PPFIA1: variants seen among roughly 807,000 people sequenced by gnomAD.
PPFIA1 encodes the protein PPFI scaffold protein A1, also known as liprin-alpha-1.
Under a neutral mutation model 149.9 loss-of-function variants are expected in PPFIA1, and 25 were observed. The observed-to-expected ratio is 0.17, with a 90% CI of 0.12 to 0.23. The LOEUF (loss-of-function observed/expected upper bound fraction) is 0.23. Ranked by LOEUF, PPFIA1 falls within the 10% of genes least tolerant of loss-of-function variation. The pLI is 1.00. For missense variants in PPFIA1, 1,362 were observed against 1,506.5 expected, an observed-to-expected ratio of 0.90 and a Z score of 1.59; for synonymous variants, 549 against 552.8, an observed-to-expected ratio of 0.99 and a Z score of 0.10.
At chr11:70,356,024 A>G in intron 18 of PPFIA1, 137 bp from the exon 19 acceptor site, 1 of 1,017,306 alleles carries the variant, frequency 9.8e-7, no homozygotes, top group Non-Finnish European at 1.5e-6. Context: ...CGTCTTGGGC[A>G]TTTGGTTGTC....
At chr11:70,345,901 C>A in intron 15 of PPFIA1, 1 of 349,272 alleles carries the variant, frequency 2.9e-6, no homozygotes, top group South Asian at 2.0e-5. Context: ...GGTCCCGTCA[C>A]ACAGTGGCCT....
Position 70,355,742 on chromosome 11 carries a change from A to ATTGGCCGCTTGT in PPFIA1, c.2425_2436dup (p.Arg809_Gly812dup). 6.2e-7 allele frequency: 1 copy of ATTGGCCGCTTGT among 1,614,166 alleles called. No homozygotes were observed. The highest frequency in any genetic ancestry group is 8.5e-7 in the Non-Finnish European group (1 of 1,180,024). On this transcript the variant is annotated inframe_insertion, in exon 18 of 28. Transcript: ENST00000253925. The stretch of plus-strand genomic sequence containing the variant: ...AAAGAAGAAAGGCATTAAGTCCTCC[A>ATTGGCCGCTTGT]TTGGCCGCTTGTTTGGCAAGAAAGA...
intron 4 of PPFIA1, 133 bp from the exon 5 acceptor site, chr11:70,325,367 C>T (rs1338071427): frequency 6.0e-6 from 3 of 498,922 alleles, no homozygotes; most frequent in African/African-American, 2.0e-5. Context: ...CAATGACAGA[C>T]ATTAATGGTA....
At chr11:70,283,404 A>G (rs1437805763) in intron 2 of PPFIA1, among the ~76,000 whole-genome samples, 1 of 152,174 alleles carries the variant, frequency 6.6e-6, no homozygotes, top group African/African-American at 2.4e-5. Context: ...TCTCTCTCCC[A>G]ATCTGCCAAT....
At chr11:70,320,613 G>T (rs1384817118) in intron 2 of PPFIA1, among the ~76,000 whole-genome samples, 1 of 151,712 alleles carries the variant, frequency 6.6e-6, no homozygotes, top group Admixed American at 6.6e-5. Flanking sequence ...AATTTTTTAT[G>T]TTTTGTAGAG....
rs1046675655 is a variant in PPFIA1, at chr11:70,270,794, T to C, written c.-121T>C. On this transcript the variant is annotated 5_prime_UTR_variant, in exon 1 of 28. Coordinates refer to ENST00000253925, the MANE Select transcript of PPFIA1 (RefSeq NM_003626.5). ...GGCGGCGGGCCCCGGGGCCGCGGCG[T>C]GGGGCGGGCAGGCGGACGCCGGCCG... 2.0e-5 allele frequency: 3 copies of C among 148,970 alleles called. No individual in the cohort carries two copies. Among genetic ancestry groups the C allele is most frequent in the African/African-American group, 7.4e-5 (3 of 40,744 alleles). The allele number at this position is 148,970 out of a possible 1,614,324, so 9.2% of individuals were successfully genotyped here. A position where few individuals can be genotyped will look rare whatever the true frequency, so the allele number is the denominator to read the frequency against.
chr11:70,379,657 G>A (rs545464509), intron 26 of PPFIA1, among the ~76,000 whole-genome samples: 1 of 151,574 alleles, frequency 6.6e-6, no homozygotes, highest in East Asian at 1.9e-4. Flanking sequence ...TGGGGTTTTT[G>A]CCAATTTTTT....
chr11:70,362,356 G>A lies in PPFIA1; in HGVS notation c.2733G>A (p.Met911Ile), dbSNP rs2056702567. 1.2e-6 allele frequency: 2 copies of A among 1,614,074 alleles called. No individual in the cohort carries two copies. Among genetic ancestry groups the A allele is most frequent in the Admixed American group, 1.7e-5 (1 of 60,008 alleles). Reference protein sequence around the residue: ...CRANVKSGAIMSALSDTEIQR... With the variant: ...CRANVKSGAIISALSDTEIQR... ...CAAACGTGAAAAGCGGGGCCATCAT[G>A]TCGGCCCTGTCCGACACAGAGATCC... Residue 911 changes from methionine (M) to isoleucine (I), a missense_variant, in exon 21 of 28, where the codon ATG becomes ATA. Physicochemically the swap from Met to Ile is conservative, Grantham distance 10. Coordinates refer to ENST00000253925, the MANE Select transcript of PPFIA1 (RefSeq NM_003626.5).
At chr11:70,339,049 C>T (rs2055148935) in intron 13 of PPFIA1, 122 bp from the exon 14 acceptor site, 1 of 1,185,384 alleles carries the variant, frequency 8.4e-7, no homozygotes, top group East Asian at 2.6e-5. Context: ...AGAGCAGTGC[C>T]CTCCCTGGAG....
At chr11:70,372,415 A>G in intron 22 of PPFIA1, 25 bp downstream of exon 22, 3 of 1,613,708 alleles carry the variant, frequency 1.9e-6, no homozygotes, top group Admixed American at 3.3e-5. Flanking sequence ...ATAGTTCTTA[A>G]TAATTGGCTA....
At chr11:70,272,633 T>C (rs1239082338) in intron 2 of PPFIA1, among the ~76,000 whole-genome samples, 197 bp downstream of exon 2, 3 of 152,168 alleles carry the variant, frequency 2.0e-5, no homozygotes, top group Non-Finnish European at 2.9e-5. Context: ...TACTCTAAAG[T>C]CATGTGAAAA....
chr11:70,292,882 A>G (rs1249771811), intron 2 of PPFIA1, among the ~76,000 whole-genome samples: 3 of 152,218 alleles, frequency 2.0e-5, no homozygotes, highest in Non-Finnish European at 4.4e-5. Flanking sequence ...GCCCCCTTAT[A>G]GTATTACTGG....
intron 26 of PPFIA1, among the ~76,000 whole-genome samples, chr11:70,379,611 T>TA (rs1555130438): frequency 1.1e-3 from 116 of 103,298 alleles, no homozygotes; most frequent in Middle Eastern, 9.2e-3. Flanking sequence ...ACCCCATCTC[T>TA]AAAAAAAAAA....
At chr11:70,381,423 A>G (rs745806903) in intron 26 of PPFIA1, 1 of 152,156 alleles carries the variant, frequency 6.6e-6, no homozygotes, top group African/African-American at 2.4e-5. Flanking sequence ...TGTGGTCTCT[A>G]TGATTAATAT....
chr11:70,365,290 C>T (rs2056861576), intron 21 of PPFIA1: 1 of 429,138 alleles, frequency 2.3e-6, no homozygotes. Flanking sequence ...TTCTCTGTGC[C>T]TGTGGCTTAT....
intron 2 of PPFIA1, among the ~76,000 whole-genome samples, chr11:70,293,458 T>A (rs1225894221): frequency 6.6e-6 from 1 of 152,138 alleles, no homozygotes; most frequent in Non-Finnish European, 1.5e-5. Context: ...TTGAAACAAA[T>A]CACTGGAACA....
intron 21 of PPFIA1, chr11:70,365,339 C>T (rs1264121782): frequency 2.2e-6 from 1 of 455,132 alleles, no homozygotes; most frequent in African/African-American, 2.0e-5. Context: ...CTTCCCTTGC[C>T]CTGGATGTGG....
intron 2 of PPFIA1, among the ~76,000 whole-genome samples, chr11:70,294,911 T>G (rs1276684795): frequency 1.3e-5 from 2 of 151,774 alleles, no homozygotes; most frequent in East Asian, 3.9e-4. Flanking sequence ...CAGAAGAATT[T>G]TTCTTAGTAC....
rs1353972231 is a variant in PPFIA1, at chr11:70,355,601, A to G, written c.2316-38A>G. ...ACTGTTAATATGTGAAGTATCCTAC[A>G]AGGGCACATAGTAAAGATCCGTTTT... On this transcript the variant is annotated intron_variant, in intron 17 of 27. Coordinates refer to ENST00000253925, the MANE Select transcript of PPFIA1 (RefSeq NM_003626.5). 2.6e-6 allele frequency: 4 copies of G among 1,561,178 alleles called. No individual in the cohort carries two copies. The Admixed American group carries it at 6.1e-5, about 24-fold the overall frequency.
Sources: allele counts gnomAD v4.1 joint callset (sites outside exome capture counted in the v4.1 genomes callset), GRCh38; gene constraint gnomAD v4.1.1; transcripts MANE v1.5; gene names NCBI Gene and HGNC (gene_info 2026-07-23, HGNC 2026-07-21).